The following ADAMTSL1 variants were observed in gnomAD, a reference collection of about 807,000 sequenced individuals.
ADAMTSL1 encodes ADAMTS-like protein 1.
ADAMTSL1 carries 126 observed loss-of-function variants against 201.8 expected under a neutral mutation model. The ratio of observed to expected loss-of-function variants is 0.62; its 90% CI spans 0.54 to 0.72. The LOEUF is 0.72. ADAMTSL1 is among the 30% of genes least tolerant of loss of function. The probability of loss-of-function intolerance (pLI) is 0.00; values close to 1 mark genes in which losing one functional copy is unlikely to be tolerated. For missense variants in ADAMTSL1, 2,679 were observed against 2,277.8 expected, an observed-to-expected ratio of 1.18 and a Z score of -3.59; for synonymous variants, 1,121 against 903.4, an observed-to-expected ratio of 1.24 and a Z score of -4.32.
At chr9:18,393,341 G>A (rs898139816) in intron 2 of ADAMTSL1, among the ~76,000 whole-genome samples, 2 of 152,156 alleles carry the variant, frequency 1.3e-5, no homozygotes, top group Non-Finnish European at 2.9e-5. Flanking sequence ...GTTCAGGAGA[G>A]TTCATGGTTG....
At chr9:18,349,075 GGC>G (rs1470015767) in intron 2 of ADAMTSL1, among the ~76,000 whole-genome samples, 6 of 152,226 alleles carry the variant, frequency 3.9e-5, no homozygotes, top group African/African-American at 1.4e-4. Flanking sequence ...TTTTACTAGT[GGC>G]AGAAACATGG....
intron 2 of ADAMTSL1, among the ~76,000 whole-genome samples, chr9:18,169,028 C>A (rs1827765098): frequency 7.1e-6 from 1 of 141,308 alleles, no homozygotes; most frequent in African/African-American, 2.6e-5. Context: ...GATATTAGCC[C>A]TTTGTCAGAT....
At chr9:18,066,371 T>C (rs1459981448) in intron 1 of ADAMTSL1, among the ~76,000 whole-genome samples, 2 of 152,176 alleles carry the variant, frequency 1.3e-5, no homozygotes, top group East Asian at 3.9e-4. Flanking sequence ...CAAATGTTTA[T>C]ATAAGACATA....
At chr9:18,111,868 C>T (rs777794568) in intron 1 of ADAMTSL1, among the ~76,000 whole-genome samples, 8 of 152,218 alleles carry the variant, frequency 5.3e-5, no homozygotes, top group Admixed American at 1.3e-4. Flanking sequence ...ATCAGTACTA[C>T]CAGTACCATG....
intron 1 of ADAMTSL1, among the ~76,000 whole-genome samples, chr9:18,159,590 A>C (rs1827299896): frequency 6.6e-6 from 1 of 152,088 alleles, no homozygotes; most frequent in Non-Finnish European, 1.5e-5. Context: ...GAGGTTCCAA[A>C]AGACAAACCG....
chr9:18,426,080 T>G (rs1448569811), intron 2 of ADAMTSL1, among the ~76,000 whole-genome samples: 1 of 152,180 alleles, frequency 6.6e-6, no homozygotes, highest in Non-Finnish European at 1.5e-5. Context: ...GTAGTAATCC[T>G]AATCAGAACA....
intron 2 of ADAMTSL1, among the ~76,000 whole-genome samples, chr9:18,264,742 A>G (rs1473906885): frequency 6.6e-6 from 1 of 152,190 alleles, no homozygotes; most frequent in Non-Finnish European, 1.5e-5. Flanking sequence ...AGTTTGCCAT[A>G]GATATGATGG....
intron 4 of ADAMTSL1, among the ~76,000 whole-genome samples, chr9:18,579,427 A>G (rs953898043): frequency 1.3e-5 from 2 of 150,828 alleles, no homozygotes; most frequent in African/African-American, 2.4e-5. Context: ...GCACACCAGC[A>G]TGGCACATGT....
chr9:18,545,080 A>G (rs1439884871), intron 3 of ADAMTSL1, among the ~76,000 whole-genome samples: 1 of 152,186 alleles, frequency 6.6e-6, no homozygotes, highest in Non-Finnish European at 1.5e-5. Context: ...TACATACCTC[A>G]GAGAGAACCT....
chr9:18,649,849 T>C (rs372391690), intron 7 of ADAMTSL1, among the ~76,000 whole-genome samples: 17 of 152,262 alleles, frequency 1.1e-4, no homozygotes, highest in African/African-American at 3.6e-4. Flanking sequence ...GTCAGGGACC[T>C]ACTTGAGGAG....
At chr9:18,788,713 G>A (rs1466439508) in intron 19 of ADAMTSL1, among the ~76,000 whole-genome samples, 1 of 152,130 alleles carries the variant, frequency 6.6e-6, no homozygotes, top group Non-Finnish European at 1.5e-5. Flanking sequence ...CCCATTTTAG[G>A]ATAAGGAAAA....
chr9:18,802,148 T>C (rs1467842613), intron 20 of ADAMTSL1, among the ~76,000 whole-genome samples: 1 of 151,956 alleles, frequency 6.6e-6, no homozygotes. Context: ...TGGTGGCACA[T>C]ACCTGTGGTC....
In ADAMTSL1 at chr9:17,945,934, G is replaced by T. The variant is rs1221696116; in HGVS notation, c.87+39012G>T. The stretch of plus-strand genomic sequence containing the variant: ...ATACATATGTAACTAACCTGCACAT[G>T]GTGCACATGTACCCTAAAACTTAAA... On this transcript the variant is annotated intron_variant, in intron 1 of 29. Coordinates refer to the ADAMTSL1 transcript ENST00000680146. 1.3e-4 allele frequency among the ~76,000 whole-genome samples: 19 copies of T among 151,250 alleles called. No individual in the cohort carries two copies. In the East Asian group the frequency reaches 1.4e-3, roughly 11 times the overall value.
intron 2 of ADAMTSL1, among the ~76,000 whole-genome samples, chr9:18,265,843 G>A (rs1832099009): frequency 6.6e-6 from 1 of 152,108 alleles, no homozygotes; most frequent in African/African-American, 2.4e-5. Context: ...TGTATTATAA[G>A]TTTTCAGAAT....
rs988799414 is a variant in ADAMTSL1, at chr9:18,891,927, G to T, written c.4644-462G>T. ...ACAAGTTTGAAGGCCAAAAGTCCAA[G>T]ATCAAGGTATCTATCAATCAGGAGG... is the stretch of plus-strand genomic sequence containing the variant. On this transcript the variant is annotated intron_variant, in intron 25 of 28. Transcript: ENST00000380548. Among the ~76,000 whole-genome samples the T allele has an allele frequency of 2.0e-5, 3 of 152,210 alleles. No homozygotes were observed. In the East Asian group the frequency reaches 5.8e-4, roughly 29 times the overall value.
At chr9:18,138,011 T>G (rs1431507689) in intron 1 of ADAMTSL1, among the ~76,000 whole-genome samples, 1 of 152,126 alleles carries the variant, frequency 6.6e-6, no homozygotes, top group Non-Finnish European at 1.5e-5. Context: ...AGCCCTGAGA[T>G]GCATAACCTT....
At chr9:18,031,613 G>T (rs1403576503) in intron 1 of ADAMTSL1, among the ~76,000 whole-genome samples, 1 of 152,170 alleles carries the variant, frequency 6.6e-6, no homozygotes, top group Non-Finnish European at 1.5e-5. Context: ...TGGGGAAGGG[G>T]AGATGGGAGG....
chr9:18,213,952 GT>G (rs1291159862), intron 2 of ADAMTSL1, among the ~76,000 whole-genome samples: 1 of 152,100 alleles, frequency 6.6e-6, no homozygotes, highest in Non-Finnish European at 1.5e-5. Context: ...GGCCAGGCTG[GT>G]CTCGAACTCC....
chr9:17,976,939 G>T (rs969515371), intron 1 of ADAMTSL1, among the ~76,000 whole-genome samples: 2 of 151,934 alleles, frequency 1.3e-5, no homozygotes, highest in Non-Finnish European at 2.9e-5. Context: ...GCTTTTCACT[G>T]TTGAGTATGG....
Sources: gnomAD v4.1 joint callset for allele counts (sites outside exome capture counted in the v4.1 genomes callset) on GRCh38, gnomAD v4.1.1 for gene constraint, MANE v1.5 for transcripts, NCBI Gene and HGNC (gene_info 2026-07-23, HGNC 2026-07-21) for gene names.